The following DNAH6 variants were observed in gnomAD, a reference collection of about 807,000 sequenced individuals.
DNAH6 encodes dynein axonemal heavy chain 6.
Under a neutral mutation model 491.4 loss-of-function variants are expected in DNAH6, and 340 were observed. That is an observed-to-expected ratio of 0.69 (90% CI 0.63 to 0.76). The LOEUF (loss-of-function observed/expected upper bound fraction) is 0.76, where lower values mean the gene tolerates loss of function less well. DNAH6 is among the 30% of genes least tolerant of loss of function. The probability of loss-of-function intolerance (pLI) is 0.00; values close to 1 mark genes in which losing one functional copy is unlikely to be tolerated. For missense variants in DNAH6, 4,443 were observed against 4,972.2 expected (o/e 0.89, Z 3.20); for synonymous variants, 1,603 against 1,686.1 (o/e 0.95, Z 1.21).
chr2:84,504,847 C>T, the DNAH6 span, among the ~76,000 whole-genome samples: 1,825 of 152,180 alleles, frequency 0.012, 37 homozygotes, highest in African/African-American at 0.042. Context: ...ACTTAAGGCC[C>T]CTTGCAATTC....
chr2:84,525,643 G>T lies in DNAH6; in HGVS notation c.304G>T (p.Gly102Ter). Residue 102 changes from glycine to a stop codon, truncating the protein, a stop_gained, in exon 3 of 77, where the codon GGA (glycine) becomes TGA (stop). Coordinates refer to ENST00000389394, the MANE Select transcript of DNAH6 (RefSeq NM_001370.2). LOFTEE classifies it high-confidence loss of function. ...EQNRFQLMTA[G>*]IIKRPVSIAK... ...GAACCGATTTCAGTTAATGACTGCAGGAATCATTAAACGTCCAGTAAGCAT... is the reference window on the plus strand; with the variant it reads ...GAACCGATTTCAGTTAATGACTGCATGAATCATTAAACGTCCAGTAAGCAT... 1 of 1,550,610 alleles carries T rather than the reference G, an allele frequency of 6.4e-7. No individual in the cohort carries two copies. The highest frequency in any genetic ancestry group is 1.2e-5 in the South Asian group (1 of 84,002).
the DNAH6 span, among the ~76,000 whole-genome samples, chr2:84,484,342 C>T: frequency 6.6e-6 from 1 of 152,122 alleles, no homozygotes; most frequent in Non-Finnish European, 1.5e-5. Flanking sequence ...TAGCTGTACT[C>T]AATTAGAAGA....
the DNAH6 span, among the ~76,000 whole-genome samples, chr2:84,498,204 A>G: frequency 6.6e-6 from 1 of 152,210 alleles, no homozygotes; most frequent in African/African-American, 2.4e-5. Flanking sequence ...TCCCTCTTCC[A>G]TGAATCTGTA....
intron 40 of DNAH6, among the ~76,000 whole-genome samples, chr2:84,674,609 A>T (rs967495352): frequency 2.6e-5 from 4 of 152,142 alleles, no homozygotes; most frequent in Non-Finnish European, 4.4e-5. Flanking sequence ...AGTTCCTGGG[A>T]ACTTTATCTT....
chr2:84,654,684 C>T lies in DNAH6; in HGVS notation c.5659C>T (p.Pro1887Ser). Reference protein sequence around the residue: ...FEVQDLRVASPATVSRCGMVF... With the variant: ...FEVQDLRVASSATVSRCGMVF... ...GGTGCAAGATCTGCGGGTTGCCTCC[C>T]CTGCAACAGTCAGTCGATGTGGAAT... The change falls in exon 35 of 77, where the codon CCT (proline) becomes TCT (serine). Residue 1887 changes from proline (P) to serine (S), a missense_variant. Transcript: ENST00000389394. 6.4e-7 allele frequency: 1 copy of T among 1,550,902 alleles called. No homozygotes were observed. The highest frequency in any genetic ancestry group is 8.7e-7 in the Non-Finnish European group (1 of 1,146,336).
chr2:84,813,119 G>A lies in DNAH6; in HGVS notation c.11987G>A (p.Gly3996Glu), dbSNP rs1453983859. The A allele has an allele frequency of 1.3e-6, 2 of 1,551,458 alleles. No individual in the cohort carries two copies. The highest frequency in any genetic ancestry group is 3.9e-5 in the Admixed American group (2 of 50,982). The change falls in exon 74 of 77, where the codon GGA becomes GAA. Residue 3996 changes from glycine to glutamate, a missense_variant. Coordinates refer to ENST00000389394, the MANE Select transcript of DNAH6 (RefSeq NM_001370.2). The stretch of plus-strand genomic sequence containing the variant: ...ATCTCTGGTTTCTTCTTTCCTCAAG[G>A]ATTTCTAACAGGTACCAGCGCTTTC... ...YWISGFFFPQ[G>E]FLTGTLQNHA...
the DNAH6 span, among the ~76,000 whole-genome samples, chr2:84,477,408 A>T: frequency 6.6e-6 from 1 of 152,158 alleles, no homozygotes; most frequent in Non-Finnish European, 1.5e-5. Flanking sequence ...CTTTTTTCCC[A>T]ACACTAAGCT....
At chr2:84,793,062 C>A (rs1677929025) in intron 68 of DNAH6, among the ~76,000 whole-genome samples, 1 of 152,092 alleles carries the variant, frequency 6.6e-6, no homozygotes. Flanking sequence ...GGACCATGCC[C>A]AAGCCAGCCC....
At chr2:84,648,555 A>C (rs935925868) in intron 33 of DNAH6, among the ~76,000 whole-genome samples, 3 of 152,216 alleles carry the variant, frequency 2.0e-5, no homozygotes, top group Non-Finnish European at 2.9e-5. Context: ...TCCAACCCTC[A>C]TGGATGATTT....
At chr2:84,652,962 A>C (rs1690591291) in intron 33 of DNAH6, among the ~76,000 whole-genome samples, 1 of 151,834 alleles carries the variant, frequency 6.6e-6, no homozygotes, top group Non-Finnish European at 1.5e-5. Flanking sequence ...TTTAAGTGAG[A>C]TATTTTATAA....
At chr2:84,765,216 G>C (rs1306018525) in intron 64 of DNAH6, among the ~76,000 whole-genome samples, 1 of 151,996 alleles carries the variant, frequency 6.6e-6, no homozygotes, top group Non-Finnish European at 1.5e-5. Flanking sequence ...ATGAAATCCA[G>C]AATAGAAGTG....
intron 22 of DNAH6, among the ~76,000 whole-genome samples, chr2:84,615,776 AT>A (rs150561196): frequency 0.036 from 5,315 of 148,730 alleles, 143 homozygotes; most frequent in Non-Finnish European, 0.054. Context: ...ATTTCTAAGT[AT>A]TTTTTTTTTG....
chr2:84,786,728 A>G (rs1378659013), intron 67 of DNAH6, among the ~76,000 whole-genome samples: 1 of 152,204 alleles, frequency 6.6e-6, no homozygotes, highest in Non-Finnish European at 1.5e-5. Context: ...AAACAAAAAA[A>G]TATGATTCTG....
At chr2:84,628,146 A>G (rs1688053471) in intron 29 of DNAH6, among the ~76,000 whole-genome samples, 1 of 152,220 alleles carries the variant, frequency 6.6e-6, no homozygotes, top group Non-Finnish European at 1.5e-5. Flanking sequence ...AATAGCCAGA[A>G]GAAGGGGGTA....
rs763749817 is a variant in DNAH6 at position 84,552,933 on chromosome 2, G to A, written c.1501G>A (p.Glu501Lys). The change falls in exon 10 of 77, where the codon GAA (glutamate) becomes AAA (lysine). Residue 501 changes from glutamate to lysine, a missense_variant. Around this residue, in one of 3 missense-constraint regions of DNAH6, gnomAD observed 2,977 missense variants for 3,296.6 expected, o/e 0.90. Transcript: ENST00000389394. ...VPDKKGTLMV[E>K]KQEEDESLIP... is the part of the protein sequence containing the mutation. ...TTCATTTCAGGGGACCCTTATGGTG[G>A]AAAAGCAAGAAGAAGATGAATCTCT... 1.2e-6 allele frequency: 2 copies of A among 1,609,820 alleles called. No individual in the cohort carries two copies. The highest frequency in any genetic ancestry group is 1.1e-5 in the South Asian group (1 of 90,512).
chr2:84,760,630 G>C (rs537550801), intron 63 of DNAH6, among the ~76,000 whole-genome samples: 1 of 152,098 alleles, frequency 6.6e-6, no homozygotes, highest in African/African-American at 2.4e-5. Flanking sequence ...AGTTAGAATA[G>C]CTATTACTAA....
chr2:84,606,866 T>G (rs1378988218), intron 20 of DNAH6, 110 bp from the exon 21 acceptor site: 5 of 1,128,352 alleles, frequency 4.4e-6, no homozygotes, highest in South Asian at 1.6e-5. Flanking sequence ...GGCTAAGCTA[T>G]TAATTCAAAG....
chr2:84,484,372 T>C, the DNAH6 span, among the ~76,000 whole-genome samples: 1 of 152,220 alleles, frequency 6.6e-6, no homozygotes, highest in East Asian at 1.9e-4. Context: ...AGTGTGTCTA[T>C]TTCATCTTGG....
At chr2:84,577,460 A>G (rs1434219119) in intron 13 of DNAH6, 52 bp downstream of exon 13, 1 of 1,322,292 alleles carries the variant, frequency 7.6e-7, no homozygotes, top group Non-Finnish European at 1.0e-6. Flanking sequence ...TTATTTTATG[A>G]TTTTTCTACT....
Sources: gnomAD v4.1 joint callset for allele counts (sites outside exome capture counted in the v4.1 genomes callset) on GRCh38, gnomAD v4.1.1 for gene constraint, gnomAD v4.1.1 regional missense constraint, MANE v1.5 for transcripts, NCBI Gene and HGNC (gene_info 2026-07-23, HGNC 2026-07-21) for gene names.